Variants in HS3ST6 observed in about 807,000 individuals in gnomAD.
The protein encoded by HS3ST6 is heparan sulfate glucosamine 3-O-sulfotransferase 6.
In HS3ST6, 13 loss-of-function variants were observed where a neutral mutation model predicts 11.0. The observed-to-expected ratio is 1.18, with a 90% CI of 0.77 to 1.88. HS3ST6 has a LOEUF of 1.88. Ranked by LOEUF, HS3ST6 falls within the 40% of genes most tolerant of loss-of-function variation. The probability of loss-of-function intolerance (pLI) is 0.00; values close to 1 mark genes in which losing one functional copy is unlikely to be tolerated. For synonymous variants in HS3ST6, 232 were observed against 230.6 expected (o/e 1.01, Z -0.06); for missense variants, 541 against 494.4 (o/e 1.09, Z -0.89).
At chr16:1,914,412 G>T (rs539540479) in intron 1 of HS3ST6, among the ~76,000 whole-genome samples, 1 of 152,188 alleles carries the variant, frequency 6.6e-6, no homozygotes, top group Non-Finnish European at 1.5e-5. Flanking sequence ...CCCATAGAGA[G>T]AAACCAGGCC....
chr16:1,917,096 G>T (rs1438514542), intron 1 of HS3ST6, among the ~76,000 whole-genome samples: 5 of 152,190 alleles, frequency 3.3e-5, no homozygotes, highest in African/African-American at 9.7e-5. Flanking sequence ...AACAAATAGG[G>T]GTAGGCGTCA....
chr16:1,915,926 G>A (rs1000680068), intron 1 of HS3ST6, among the ~76,000 whole-genome samples: 14 of 152,158 alleles, frequency 9.2e-5, no homozygotes, highest in African/African-American at 3.4e-4. Context: ...GGGAGCCGTG[G>A]CCCGGAGACT....
rs750062203 is a variant in HS3ST6, at chr16:1,911,774, G to A, written c.845C>T (p.Ala282Val). 6.2e-7 allele frequency: 1 copy of A among 1,613,872 alleles called. No homozygotes were observed. The highest frequency in any genetic ancestry group is 8.5e-7 in the Non-Finnish European group (1 of 1,179,842). The change falls in exon 2 of 2, where the codon GCC becomes GTC. Residue 282 changes from alanine to valine, a missense_variant. Coordinates refer to ENST00000454677, the MANE Select transcript of HS3ST6 (RefSeq NM_001009606.4). ...CTTGAGGCAGGGGAAGCCCTTGGTG[G>A]CGTTGAAGTAGAAGTGCTTGTCCGT... The part of the protein sequence containing the change: ...VVTDKHFYFN[A>V]TKGFPCLKKA...
At chr16:1,913,491 G>A (rs2082905974) in intron 1 of HS3ST6, among the ~76,000 whole-genome samples, 1 of 152,214 alleles carries the variant, frequency 6.6e-6, no homozygotes, top group Non-Finnish European at 1.5e-5. Context: ...AGGTAGTGCA[G>A]GGTGAGGTTG....
Position 1,911,664 on chromosome 16 carries a change from G to T in HS3ST6, c.955C>A (p.Arg319Ser). 1 of 1,610,776 alleles carries T rather than the reference G, an allele frequency of 6.2e-7. No individual in the cohort carries two copies. The highest frequency in any genetic ancestry group is 1.1e-5 in the South Asian group (1 of 90,846). The stretch of plus-strand genomic sequence containing the variant: ...AAGGGCCGGTAGAACTCCTGCAGGC[G>T]CCGGACCAGGGCCTGGGGCACGCGT... The part of the protein sequence containing the change: ...HPRVPQALVR[R>S]LQEFYRPFNR... Residue 319 changes from arginine to serine, a missense_variant, in exon 2 of 2, where the codon CGC (arginine) becomes AGC (serine). Transcript: ENST00000454677.
rs148319364 is a variant in HS3ST6 at position 1,917,895 on chromosome 16, G to A, written c.413+16C>T. ...CAGGAAGGCGCCGGTCAGGGCGGACGGGCCAGGGTGCTCACCGGTACCAGG... is the reference window on the plus strand; with the variant it reads ...CAGGAAGGCGCCGGTCAGGGCGGACAGGCCAGGGTGCTCACCGGTACCAGG... On this transcript the variant is annotated intron_variant, in intron 1 of 1. Coordinates refer to ENST00000454677, the MANE Select transcript of HS3ST6 (RefSeq NM_001009606.4). 5,369 of 1,394,316 alleles carry A rather than the reference G, an allele frequency of 3.9e-3. 77 individuals carry two copies. The East Asian group carries it at 0.043, about 11-fold the overall frequency. 86.4% of individuals were successfully genotyped at this position (1,394,316 alleles called of 1,614,324 possible).
At position 1,911,650 on chromosome 16, in the gene HS3ST6, G is replaced by T; in HGVS notation, c.969C>A (p.Phe323Leu). The change falls in exon 2 of 2, where the codon TTC becomes TTA. Residue 323 changes from phenylalanine to leucine, a missense_variant. Physicochemically the swap from Phe to Leu is conservative, Grantham distance 22 (BLOSUM62 0). Coordinates refer to ENST00000454677, the MANE Select transcript of HS3ST6 (RefSeq NM_001009606.4). The part of the protein sequence containing the change: ...PQALVRRLQE[F>L]YRPFNRRFYQ... The stretch of plus-strand genomic sequence containing the variant: ...AGAACCTGCGGTTGAAGGGCCGGTA[G>T]AACTCCTGCAGGCGCCGGACCAGGG... The T allele has an allele frequency of 6.2e-7, 1 of 1,610,346 alleles. No homozygotes were observed. Among genetic ancestry groups the T allele is most frequent in the Non-Finnish European group, 8.5e-7 (1 of 1,178,506 alleles).
Position 1,911,719 on chromosome 16 carries a change from G to A in HS3ST6, c.900C>T (p.Cys300=), listed in dbSNP as rs2082888440. 6.2e-7 allele frequency: 1 copy of A among 1,612,610 alleles called. No homozygotes were observed. Among genetic ancestry groups the A allele is most frequent in the Admixed American group, 1.7e-5 (1 of 59,872 alleles). The change falls in exon 2 of 2, where the codon TGC becomes TGT. Residue 300 remains cysteine (C), a synonymous_variant. Transcript: ENST00000454677. ...KKAQGGSRPR[C]LGKSKGRPHP... The stretch of plus-strand genomic sequence containing the variant: ...GTGGCCGGCCCTTGGACTTGCCCAG[G>A]CAGCGGGGACGGCTGCCGCCCTGGG...
Position 1,911,948 on chromosome 16 carries a change from C to G in HS3ST6, c.671G>C (p.Arg224Pro), listed in dbSNP as rs770741053. The part of the protein sequence containing the change: ...GPVDTAWSAV[R>P]IGLYAQHLDH... Reference sequence around the variant, plus strand: ...CAGGTGCTGGGCGTACAGGCCGATGCGGACGGCGCTCCAGGCTGTGTCCAC... The same window carrying G: ...CAGGTGCTGGGCGTACAGGCCGATGGGGACGGCGCTCCAGGCTGTGTCCAC... Residue 224 changes from arginine (R) to proline (P), a missense_variant, in exon 2 of 2, where the codon CGC becomes CCC. Arg to Pro is a moderately radical substitution (Grantham distance 103, BLOSUM62 -2). Transcript: ENST00000454677. 9.5e-6 allele frequency: 15 copies of G among 1,580,822 alleles called. No homozygotes were observed. Among genetic ancestry groups the G allele is most frequent in the African/African-American group, 1.3e-5 (1 of 74,180 alleles).
At chr16:1,915,708 A>G (rs2082920825) in intron 1 of HS3ST6, among the ~76,000 whole-genome samples, 1 of 152,196 alleles carries the variant, frequency 6.6e-6, no homozygotes, top group Non-Finnish European at 1.5e-5. Context: ...GTGCTTCACT[A>G]GTGGGGGAAC....
Position 1,911,648 on chromosome 16 carries a change from T to C in HS3ST6, c.971A>G (p.Tyr324Cys), listed in dbSNP as rs559262531. 1.1e-5 allele frequency: 17 copies of C among 1,610,090 alleles called. No individual in the cohort carries two copies. In the Admixed American group the frequency reaches 2.9e-4, roughly 27 times the overall value. The change falls in exon 2 of 2, where the codon TAC becomes TGC. Residue 324 changes from tyrosine (Y) to cysteine (C), a missense_variant. Coordinates refer to ENST00000454677, the MANE Select transcript of HS3ST6 (RefSeq NM_001009606.4). The part of the protein sequence containing the change: ...QALVRRLQEF[Y>C]RPFNRRFYQM... ...GTAGAACCTGCGGTTGAAGGGCCGG[T>C]AGAACTCCTGCAGGCGCCGGACCAG...
At position 1,918,235 on chromosome 16, in the gene HS3ST6, G is replaced by T; in HGVS notation, c.89C>A (p.Ala30Glu). The T allele has an allele frequency of 9.7e-7, 1 of 1,029,942 alleles. No homozygotes were observed. Among genetic ancestry groups the T allele is most frequent in the Non-Finnish European group, 1.2e-6 (1 of 861,192 alleles). The allele number at this position is 1,029,942 out of a possible 1,614,324, so 63.8% of individuals were successfully genotyped here. ...CACCAGGGCCACGAGCAGCATCGGC[G>T]CGCGGGACGCCCGCAGAGCGGCCCC... ...GQGAALRASR[A>E]PMLLVALVLG... The change falls in exon 1 of 2, where the codon GCG (alanine) becomes GAG (glutamate). Residue 30 changes from alanine to glutamate, a missense_variant. Physicochemically the swap from Ala to Glu is moderately radical, Grantham distance 107. Coordinates refer to ENST00000454677, the MANE Select transcript of HS3ST6 (RefSeq NM_001009606.4). The surrounding 1 kb of genome is among the most constrained non-coding windows in gnomAD (Gnocchi z 6.0).
At chr16:1,919,626 C>A (rs536434239), upstream of HS3ST6, among the ~76,000 whole-genome samples, 2 of 152,246 alleles carry the variant, frequency 1.3e-5, no homozygotes, top group African/African-American at 4.8e-5. Flanking sequence ...GTTAATGAGC[C>A]GTTCCAGCCC....
chr16:1,920,355 C>T (rs1372581579), upstream of HS3ST6, among the ~76,000 whole-genome samples: 2 of 149,290 alleles, frequency 1.3e-5, no homozygotes, highest in Non-Finnish European at 3.0e-5. Flanking sequence ...CGGTCTGAGT[C>T]CCCACGGTCT....
chr16:1,911,887 G>T lies in HS3ST6; in HGVS notation c.732C>A (p.Phe244Leu), dbSNP rs566829434. 6.2e-7 allele frequency: 1 copy of T among 1,606,722 alleles called. No homozygotes were observed. Among genetic ancestry groups the T allele is most frequent in the Non-Finnish European group, 8.5e-7 (1 of 1,175,700 alleles). Residue 244 changes from phenylalanine to leucine, a missense_variant, in exon 2 of 2, where the codon TTC becomes TTA. Transcript: ENST00000454677. The stretch of plus-strand genomic sequence containing the variant: ...CCAGACGCTCCCCGCTGACGAACAG[G>T]AAGTGGGACAGGGGGAAGTAGCGCA... Reference protein sequence around the residue: ...HWLRYFPLSHFLFVSGERLVS... With the variant: ...HWLRYFPLSHLLFVSGERLVS...
Position 1,918,001 on chromosome 16 carries a change from TC to T in HS3ST6, c.322del (p.Glu108SerfsTer33). 6.5e-7 allele frequency: 1 copy of T among 1,549,652 alleles called. No homozygotes were observed. Among genetic ancestry groups the T allele is most frequent in the Non-Finnish European group, 8.6e-7 (1 of 1,157,046 alleles). ...VKKGGTRALLEFLRLHPDVRA... is the reference protein window; with the variant it reads ...VKKGGTRALLXFLRLHPDVRA... ...GACGTCGGGGTGCAGCCGCAGAAAC[TC>T]CAGCAGGGCGCGCGTGCCGCCCTTC... is the stretch of plus-strand genomic sequence containing the variant. On this transcript the variant is annotated frameshift_variant, in exon 1 of 2. Coordinates refer to ENST00000454677, the MANE Select transcript of HS3ST6 (RefSeq NM_001009606.4). LOFTEE classifies it high-confidence loss of function. The surrounding 1 kb of genome is among the most constrained non-coding windows in gnomAD (Gnocchi z 6.0).
At position 1,912,732 on chromosome 16, in the gene HS3ST6, C is replaced by G. The variant is rs1057410840; in HGVS notation, c.414-527G>C. On this transcript the variant is annotated intron_variant, in intron 1 of 1. Coordinates refer to ENST00000454677, the MANE Select transcript of HS3ST6 (RefSeq NM_001009606.4). The surrounding 1 kb of genome is among the most constrained non-coding windows in gnomAD (Gnocchi z 5.6). The stretch of plus-strand genomic sequence containing the variant: ...CCTTCACCAATTATTGACAGTGTGT[C>G]CTCAACCAAAAGTAGTCCTCCCTGC... 7.2e-5 allele frequency among the ~76,000 whole-genome samples: 11 copies of G among 152,090 alleles called. No individual in the cohort carries two copies. The highest frequency in any genetic ancestry group is 8.8e-5 in the Non-Finnish European group (6 of 68,014).
At position 1,912,085 on chromosome 16, in the gene HS3ST6, C is replaced by T; in HGVS notation, c.534G>A (p.Val178=). ...HAMSPDTKLI[V]VVRNPVTRAI... ...CCCGGGTCACGGGGTTCCGCACCACCACGATCAGCTTCGTGTCCGGGGACA... is the reference window on the plus strand; with the variant it reads ...CCCGGGTCACGGGGTTCCGCACCACTACGATCAGCTTCGTGTCCGGGGACA... Residue 178 remains valine (V), a synonymous_variant, in exon 2 of 2, where the codon GTG becomes GTA. Transcript: ENST00000454677. This position sits in a 1 kb window ranked among gnomAD's most constrained non-coding sequence, Gnocchi z 5.6. The T allele has an allele frequency of 1.3e-6, 2 of 1,510,286 alleles. No homozygotes were observed. Among genetic ancestry groups the T allele is most frequent in the Non-Finnish European group, 1.8e-6 (2 of 1,131,438 alleles). The allele number at this position is 1,510,286 out of a possible 1,614,324, so 93.6% of individuals were successfully genotyped here.
At position 1,911,610 on chromosome 16, in the gene HS3ST6, G is replaced by A; in HGVS notation, c.1009C>T (p.Gln337Ter). 6.2e-7 allele frequency: 1 copy of A among 1,605,820 alleles called. No homozygotes were observed. The highest frequency in any genetic ancestry group is 8.5e-7 in the Non-Finnish European group (1 of 1,176,446). ...GCCGCTCAGCCCCAGCCGAAGTCCTGGCCCGTCATCTGGTAGAACCTGCGG... is the reference window on the plus strand; with the variant it reads ...GCCGCTCAGCCCCAGCCGAAGTCCTAGCCCGTCATCTGGTAGAACCTGCGG... ...FNRRFYQMTG[Q>*]DFGWG is the part of the protein sequence containing the mutation. Residue 337 changes from glutamine to a stop codon, truncating the protein, a stop_gained, in exon 2 of 2, where the codon CAG becomes TAG. Transcript: ENST00000454677. LOFTEE classifies it high-confidence loss of function.
Sources: allele counts gnomAD v4.1 joint callset (sites outside exome capture counted in the v4.1 genomes callset), GRCh38; gene constraint gnomAD v4.1.1; non-coding constraint Gnocchi (gnomAD v3.1); transcripts MANE v1.5; gene names NCBI Gene and HGNC (gene_info 2026-07-23, HGNC 2026-07-21).